TKT: variants seen among roughly 807,000 people sequenced by gnomAD.
TKT encodes the protein epididymis luminal protein 107.
TKT carries 47 observed loss-of-function variants against 63.9 expected under a neutral mutation model. The observed-to-expected ratio is 0.74, with a 90% confidence interval of 0.58 to 0.94. TKT has a LOEUF of 0.94. Among genes scored for constraint, TKT ranks in the 40% least tolerant of loss-of-function variants. The probability of loss-of-function intolerance (pLI) is 0.00; values close to 1 mark genes in which losing one functional copy is unlikely to be tolerated. For synonymous variants in TKT, 338 were observed against 334.1 expected (o/e 1.01, Z -0.13); for missense variants, 721 against 846.2 (o/e 0.85, Z 1.84).
intron 6 of TKT, chr3:53,232,855 C>T: frequency 2.4e-6 from 1 of 422,454 alleles, no homozygotes; most frequent in Non-Finnish European, 4.2e-6. Flanking sequence ...AGGCACCAGC[C>T]AGGGTGGGGC....
intron 1 of TKT, 60 bp downstream of exon 1, chr3:53,255,776 C>G (rs1270526326): frequency 5.9e-6 from 7 of 1,186,648 alleles, no homozygotes; most frequent in African/African-American, 1.6e-5. Flanking sequence ...GCGACTCTGG[C>G]CGCCGCAGAC....
intron 1 of TKT, among the ~76,000 whole-genome samples, chr3:53,247,282 G>A (rs1453039867): frequency 1.6e-4 from 24 of 150,044 alleles, no homozygotes; most frequent in African/African-American, 5.4e-4. Flanking sequence ...GCTTGAACCT[G>A]GGAGGCAGAG....
chr3:53,255,914 T>G lies in TKT; in HGVS notation c.29A>C (p.Gln10Pro), dbSNP rs1553682223. ...CGTGTCCTTCAAGGCCTGCAGCTTC[T>G]GCTGGTCAGGCTTGTGGTAGCTCTC... MESYHKPDQ[Q>P]KLQALKDTAN... The change falls in exon 1 of 14, where the codon CAG (glutamine) becomes CCG (proline). Residue 10 changes from glutamine to proline, a missense_variant. Coordinates refer to ENST00000462138, the MANE Select transcript of TKT (RefSeq NM_001064.4). The G allele has an allele frequency of 1.9e-5, 30 of 1,546,418 alleles. No individual in the cohort carries two copies. Among genetic ancestry groups the G allele is most frequent in the Middle Eastern group, 1.7e-4 (1 of 5,826 alleles).
intron 11 of TKT, 31 bp from the exon 12 acceptor site, chr3:53,228,180 C>A (rs781925161): frequency 6.8e-6 from 11 of 1,613,684 alleles, no homozygotes; most frequent in Non-Finnish European, 9.3e-6. Context: ...GAGTAAGGCT[C>A]AGGGCCCTGG....
chr3:53,247,457 A>C lies in TKT; in HGVS notation c.108-5215T>G, dbSNP rs112851368. On this transcript the variant is annotated intron_variant, in intron 1 of 13. Transcript: ENST00000462138. ...CAAGACCGGCCTGGCCAACATGGCA[A>C]AACCCCGCCTCTACTAAAAACACAA... 4.8e-3 allele frequency among the ~76,000 whole-genome samples: 720 copies of C among 151,554 alleles called. 5 individuals carry two copies. The highest frequency in any genetic ancestry group is 0.016 in the African/African-American group (679 of 41,268).
chr3:53,233,345 G>C, intron 5 of TKT, 71 bp from the exon 6 acceptor site: 2 of 1,292,540 alleles, frequency 1.5e-6, no homozygotes, highest in Non-Finnish European at 2.1e-6. Context: ...TCCAGGGAAA[G>C]GTCTGCCTTG....
Position 53,229,339 on chromosome 3 carries a change from A to C in TKT, c.1205T>G (p.Met402Arg). Residue 402 changes from methionine to arginine, a missense_variant, in exon 9 of 14, where the codon ATG becomes AGG. Physicochemically the swap from Met to Arg is moderately conservative, Grantham distance 91. Transcript: ENST00000462138. ...GATGTTGCTCTCGGAGATGGCGGCCATGCGAATCTGGTCAAAGGCCCGCGT... is the reference window on the plus strand; with the variant it reads ...GATGTTGCTCTCGGAGATGGCGGCCCTGCGAATCTGGTCAAAGGCCCGCGT... ...FFTRAFDQIR[M>R]AAISESNINL... 1.9e-6 allele frequency: 3 copies of C among 1,614,004 alleles called. No individual in the cohort carries two copies. Among genetic ancestry groups the C allele is most frequent in the Non-Finnish European group, 2.5e-6 (3 of 1,179,962 alleles).
intron 9 of TKT, 41 bp from the exon 10 acceptor site, chr3:53,229,178 AC>A (rs541839147): frequency 3.2e-5 from 51 of 1,611,250 alleles, no homozygotes; most frequent in African/African-American, 1.1e-4. Context: ...TAAGACCCCT[AC>A]CCCCCCATCC....
At chr3:53,232,544 A>AT in intron 6 of TKT, 1 of 398,660 alleles carries the variant, frequency 2.5e-6, no homozygotes, top group South Asian at 1.3e-4. Flanking sequence ...TTGTAGTCTC[A>AT]TTTTCCCATC....
chr3:53,241,217 A>G lies in TKT; in HGVS notation c.254T>C (p.Val85Ala). 6.2e-7 allele frequency: 1 copy of G among 1,600,476 alleles called. No individual in the cohort carries two copies. The highest frequency in any genetic ancestry group is 2.3e-5 in the East Asian group (1 of 43,378). Residue 85 changes from valine (V) to alanine (A), a missense_variant, in exon 3 of 14, where the codon GTC becomes GCC. Physicochemically the swap from Val to Ala is moderately conservative, Grantham distance 64. Transcript: ENST00000462138. ...GGCCAGGAAACCAGCTTCAGCCCAGACCGCGTAGAGGATGGGAGCTGCATG... is the reference window on the plus strand; with the variant it reads ...GGCCAGGAAACCAGCTTCAGCCCAGGCCGCGTAGAGGATGGGAGCTGCATG... ...KGHAAPILYA[V>A]WAEAGFLAEA...
In TKT at chr3:53,255,844, C is replaced by T; in HGVS notation, c.99G>A (p.Ala33=). The part of the protein sequence containing the change: ...RISSIQATTA[A]GSGHPTSCCS... ...CGGCGCCGCGCACTCACCCAGAGCC[C>T]GCCGCAGTGGTGGCCTGGATGGAGC... Residue 33 remains alanine (A), a synonymous_variant, in exon 1 of 14, where the codon GCG becomes GCA. Coordinates refer to ENST00000462138, the MANE Select transcript of TKT (RefSeq NM_001064.4). 1 of 1,531,078 alleles carries T rather than the reference C, an allele frequency of 6.5e-7. No individual in the cohort carries two copies. Among genetic ancestry groups the T allele is most frequent in the Non-Finnish European group, 8.8e-7 (1 of 1,138,904 alleles). The allele number at this position is 1,531,078 out of a possible 1,614,324, so 94.8% of individuals were successfully genotyped here.
chr3:53,238,903 G>A (rs897057082), intron 4 of TKT, among the ~76,000 whole-genome samples: 1 of 152,234 alleles, frequency 6.6e-6, no homozygotes, highest in Non-Finnish European at 1.5e-5. Context: ...CCCCCAAAGG[G>A]CAAAGGAACC....
intron 1 of TKT, among the ~76,000 whole-genome samples, chr3:53,246,856 A>C (rs1216996753): frequency 6.6e-6 from 1 of 151,954 alleles, no homozygotes; most frequent in South Asian, 2.1e-4. Flanking sequence ...CGTCTCAAAA[A>C]AAAAAAAAAG....
chr3:53,242,002 G>T, intron 2 of TKT, 123 bp downstream of exon 2: 1 of 876,944 alleles, frequency 1.1e-6, no homozygotes. Flanking sequence ...GGACGAGCAG[G>T]GAGAAGGCAC....
At chr3:53,231,733 G>A in intron 6 of TKT, 183 bp from the exon 7 acceptor site, 1 of 612,572 alleles carries the variant, frequency 1.6e-6, no homozygotes, top group African/African-American at 1.8e-5. Flanking sequence ...TGAATAGGAT[G>A]GACTCCTACG....
chr3:53,241,760 C>T (rs537624057), intron 2 of TKT: 7 of 312,690 alleles, frequency 2.2e-5, no homozygotes, highest in Admixed American at 8.0e-5. Flanking sequence ...GCTGGCACAA[C>T]ACAGATAGAG....
intron 1 of TKT, among the ~76,000 whole-genome samples, chr3:53,251,102 T>C (rs1705725758): frequency 6.6e-6 from 1 of 152,188 alleles, no homozygotes; most frequent in African/African-American, 2.4e-5. Context: ...GCACAGCCAC[T>C]AGGAACAGAG....
At chr3:53,235,888 G>A (rs4687715) in intron 4 of TKT, among the ~76,000 whole-genome samples, 61,588 of 152,146 alleles carry the variant, frequency 0.4, 12,933 homozygotes, top group African/African-American at 0.48. Context: ...ACAGTGAGAC[G>A]TTAAAAAGAA....
At chr3:53,255,047 T>A (rs534244856) in intron 1 of TKT, among the ~76,000 whole-genome samples, 5 of 152,298 alleles carry the variant, frequency 3.3e-5, no homozygotes, top group African/African-American at 7.2e-5. Flanking sequence ...TCAGTCTCCT[T>A]GCCCTCCGCC....
Sources: allele counts gnomAD v4.1 joint callset (sites outside exome capture counted in the v4.1 genomes callset), GRCh38; gene constraint gnomAD v4.1.1; transcripts MANE v1.5; gene names NCBI Gene and HGNC (gene_info 2026-07-23, HGNC 2026-07-21).